The following APLF variants were observed in gnomAD, a reference collection of about 807,000 sequenced individuals.
APLF encodes the protein aprataxin and PNK-like factor.
In APLF, 61 loss-of-function variants were observed where a neutral mutation model predicts 55.6. The observed-to-expected ratio is 1.10, with a 90% CI of 0.89 to 1.36. The LOEUF (loss-of-function observed/expected upper bound fraction) is 1.36. Among genes scored for constraint, APLF ranks in the 40% most tolerant of loss-of-function variants. The pLI is 0.00. For missense variants in APLF, 611 were observed against 602.5 expected (o/e 1.01, Z -0.15); for synonymous variants, 207 against 214.8 (o/e 0.96, Z 0.32).
At chr2:68,491,498 G>A (rs190849708) in intron 2 of APLF, among the ~76,000 whole-genome samples, 51 of 152,310 alleles carry the variant, frequency 3.3e-4, no homozygotes, top group African/African-American at 1.2e-3. Flanking sequence ...TTTTACAAAA[G>A]TATGTTATTC....
At chr2:68,550,470 G>C (rs558993122) in intron 8 of APLF, among the ~76,000 whole-genome samples, 1 of 152,230 alleles carries the variant, frequency 6.6e-6, no homozygotes, top group East Asian at 1.9e-4. Context: ...GATCTCAAGT[G>C]ATCTGCCCAC....
intron 3 of APLF, among the ~76,000 whole-genome samples, chr2:68,509,179 A>G (rs142601859): frequency 0.025 from 3,875 of 152,262 alleles, 63 homozygotes; most frequent in South Asian, 0.043. Context: ...TTAATGTCTA[A>G]AACACCAAAA....
intron 2 of APLF, among the ~76,000 whole-genome samples, chr2:68,497,905 AGACTT>A (rs940955901): frequency 2.0e-5 from 3 of 152,210 alleles, no homozygotes; most frequent in African/African-American, 7.2e-5. Context: ...AATGGACTGA[AGACTT>A]GAGTTGCACA....
intron 2 of APLF, among the ~76,000 whole-genome samples, chr2:68,495,865 G>A (rs1402971311): frequency 1.4e-4 from 22 of 152,328 alleles, no homozygotes; most frequent in Admixed American, 1.4e-3. Context: ...CTCCAAAATG[G>A]CAGCTCAAGC....
intron 3 of APLF, among the ~76,000 whole-genome samples, chr2:68,511,320 T>C (rs1461776100): frequency 1.3e-5 from 2 of 151,754 alleles, no homozygotes; most frequent in East Asian, 3.9e-4. Flanking sequence ...TACTCATAGA[T>C]GTATTTGAAG....
chr2:68,480,505 T>C (rs1328804968), intron 1 of APLF, among the ~76,000 whole-genome samples: 2 of 152,010 alleles, frequency 1.3e-5, no homozygotes, highest in Non-Finnish European at 2.9e-5. Context: ...GGTTTCACCA[T>C]CTTGGCCAGG....
chr2:68,551,831 A>G (rs548717016), intron 8 of APLF, among the ~76,000 whole-genome samples: 4 of 151,470 alleles, frequency 2.6e-5, no homozygotes, highest in Admixed American at 2.0e-4. Context: ...CAATTCTAAC[A>G]TATTTTAATG....
At chr2:68,518,779 T>C (rs1558539909) in intron 5 of APLF, among the ~76,000 whole-genome samples, 1 of 96,936 alleles carries the variant, frequency 1.0e-5, no homozygotes, top group African/African-American at 4.3e-5. Flanking sequence ...AATATATCAT[T>C]ATATAATAAA....
chr2:68,503,052 C>A, intron 3 of APLF, 149 bp downstream of exon 3: 1 of 747,462 alleles, frequency 1.3e-6, no homozygotes, highest in South Asian at 2.1e-5. Flanking sequence ...GTGTGCATGC[C>A]TTTGCATGTG....
chr2:68,565,514 G>GATAGATAC (rs60590885), intron 8 of APLF, among the ~76,000 whole-genome samples: 5,953 of 148,974 alleles, frequency 0.04, 341 homozygotes, highest in African/African-American at 0.13. Context: ...TAGACAGATA[G>GATAGATAC]ATACATACAT....
chr2:68,484,515 C>T (rs1676065497), intron 1 of APLF, among the ~76,000 whole-genome samples: 1 of 151,718 alleles, frequency 6.6e-6, no homozygotes, highest in Non-Finnish European at 1.5e-5. Context: ...ATGTTGAAAC[C>T]CTGTCTCTAC....
intron 8 of APLF, among the ~76,000 whole-genome samples, chr2:68,558,858 A>G (rs10177314): frequency 0.11 from 16,511 of 151,978 alleles, 1,165 homozygotes; most frequent in African/African-American, 0.19. Flanking sequence ...GTGTCCATGT[A>G]TTCTCATTGT....
intron 9 of APLF, among the ~76,000 whole-genome samples, chr2:68,576,871 T>C (rs565192397): frequency 6.6e-6 from 1 of 152,298 alleles, no homozygotes; most frequent in Admixed American, 6.5e-5. Context: ...GGGACTGTCC[T>C]CTGCCATTCA....
chr2:68,568,220 C>T, intron 9 of APLF: 1 of 961,808 alleles, frequency 1.0e-6, no homozygotes, highest in South Asian at 4.8e-5. Flanking sequence ...TTTTTCATAT[C>T]ATTCATATAA....
intron 3 of APLF, 39 bp from the exon 4 acceptor site, chr2:68,513,041 A>C (rs1479584365): frequency 6.4e-7 from 1 of 1,556,788 alleles, no homozygotes; most frequent in Admixed American, 1.8e-5. Context: ...AAGTGTGTTA[A>C]ATTTAAAATT....
chr2:68,558,251 T>C (rs1469712918), intron 8 of APLF, among the ~76,000 whole-genome samples: 5 of 152,320 alleles, frequency 3.3e-5, no homozygotes, highest in Non-Finnish European at 7.4e-5. Context: ...TTCTTTGTTA[T>C]ATTTACTGTT....
chr2:68,528,042 C>G (rs1301442287), intron 6 of APLF, among the ~76,000 whole-genome samples: 2 of 151,974 alleles, frequency 1.3e-5, no homozygotes, highest in Admixed American at 6.5e-5. Flanking sequence ...AGAGGCGCTC[C>G]TCACTGCCCA....
Position 68,578,202 on chromosome 2 carries a change from A to C in APLF, c.*180A>C. ...GTCAGCCTTCAGTATAATAGATGGA[A>C]TTTTTTGTTGCCTTGCCTTTTCTTT... On this transcript the variant is annotated 3_prime_UTR_variant, in exon 10 of 10. Transcript: ENST00000303795. 1.5e-6 allele frequency: 2 copies of C among 1,348,530 alleles called. No individual in the cohort carries two copies. The highest frequency in any genetic ancestry group is 1.9e-6 in the Non-Finnish European group (2 of 1,050,492). 83.5% of individuals were successfully genotyped at this position (1,348,530 alleles called of 1,614,324 possible). A position where few individuals can be genotyped will look rare whatever the true frequency, so the allele number is the denominator to read the frequency against.
At chr2:68,552,768 A>T (rs908783385) in intron 8 of APLF, among the ~76,000 whole-genome samples, 37 of 152,182 alleles carry the variant, frequency 2.4e-4, no homozygotes, top group African/African-American at 8.9e-4. Context: ...GCTAGTCAAG[A>T]GAAACAACTC....
Sources: allele counts gnomAD v4.1 joint callset (sites outside exome capture counted in the v4.1 genomes callset), GRCh38; gene constraint gnomAD v4.1.1; transcripts MANE v1.5; gene names NCBI Gene and HGNC (gene_info 2026-07-23, HGNC 2026-07-21).